POLN: variants seen among roughly 807,000 people sequenced by gnomAD.
POLN encodes the protein DNA polymerase N.
Under a neutral mutation model 113.5 loss-of-function variants are expected in POLN, and 108 were observed. That is an observed-to-expected ratio of 0.95 (90% CI 0.81 to 1.12). POLN has a LOEUF of 1.12. Ranked by LOEUF, POLN falls within the 50% of genes most tolerant of loss-of-function variation. The probability of loss-of-function intolerance (pLI) is 0.00; values close to 1 mark genes in which losing one functional copy is unlikely to be tolerated. For synonymous variants in POLN, 386 were observed against 391.5 expected (o/e 0.99, Z 0.17); for missense variants, 1,097 against 1,077.1 (o/e 1.02, Z -0.26).
At chr4:2,225,528 TG>T (rs1301717976) in intron 3 of POLN, among the ~76,000 whole-genome samples, 1 of 151,250 alleles carries the variant, frequency 6.6e-6, no homozygotes, top group Non-Finnish European at 1.5e-5. Flanking sequence ...TACTCCAGCT[TG>T]GGTGACAGAG....
intron 7 of POLN, among the ~76,000 whole-genome samples, chr4:2,191,014 C>T (rs1307134545): frequency 6.6e-6 from 1 of 152,126 alleles, no homozygotes; most frequent in African/African-American, 2.4e-5. Flanking sequence ...CAATCCCACT[C>T]CTGGGTATAT....
At chr4:2,107,652 G>C (rs1731097666) in intron 19 of POLN, among the ~76,000 whole-genome samples, 1 of 152,192 alleles carries the variant, frequency 6.6e-6, no homozygotes, top group South Asian at 2.1e-4. Flanking sequence ...AAGGCCTAAG[G>C]CCAGGGGGAC....
At chr4:2,116,024 C>A (rs1294438940) in intron 19 of POLN, among the ~76,000 whole-genome samples, 1 of 152,192 alleles carries the variant, frequency 6.6e-6, no homozygotes, top group Non-Finnish European at 1.5e-5. Flanking sequence ...GCTTTCTGCA[C>A]CTTGATTTTT....
At chr4:2,101,703 T>C (rs1271826051) in intron 19 of POLN, among the ~76,000 whole-genome samples, 2 of 152,246 alleles carry the variant, frequency 1.3e-5, no homozygotes, top group Non-Finnish European at 2.9e-5. Flanking sequence ...GCGTTAGGCC[T>C]AGGCATTAGG....
Position 2,162,741 on chromosome 4 carries a change from G to A in POLN, c.1555-3530C>T, listed in dbSNP as rs575827332. Among the ~76,000 whole-genome samples, 41 of 151,944 alleles carry A rather than the reference G, an allele frequency of 2.7e-4. 1 individual carries two copies. The highest frequency in any genetic ancestry group is 5.3e-4 in the Non-Finnish European group (36 of 67,990). ...CAAAGTGCTGGAATTACAGGCATGA[G>A]CCACCATGCCCGGCCCGATTTTATT... On this transcript the variant is annotated intron_variant, in intron 13 of 25. Transcript: ENST00000511885.
intron 19 of POLN, among the ~76,000 whole-genome samples, chr4:2,119,048 C>T (rs1370350716): frequency 6.6e-6 from 1 of 152,170 alleles, no homozygotes; most frequent in Non-Finnish European, 1.5e-5. Flanking sequence ...GGACAGGGAG[C>T]CACAGACAGC....
rs762939148 is a variant in POLN at position 2,095,850 on chromosome 4, C to T, written c.2065+1G>A. ...ACCCCAGCTCCCGGCCCGCAGCCTA[C>T]CTGCTCCATAGACCACCGCGTACAC... is the stretch of plus-strand genomic sequence containing the variant. On this transcript the variant is annotated splice_donor_variant, in intron 20 of 25. Coordinates refer to ENST00000511885, the MANE Select transcript of POLN (RefSeq NM_181808.4). LOFTEE classifies it high-confidence loss of function. 9.3e-6 allele frequency: 15 copies of T among 1,613,800 alleles called. No individual in the cohort carries two copies. The highest frequency in any genetic ancestry group is 7.6e-6 in the Non-Finnish European group (9 of 1,179,988).
intron 11 of POLN, among the ~76,000 whole-genome samples, chr4:2,171,950 G>A (rs2108747547): frequency 6.6e-6 from 1 of 152,206 alleles, no homozygotes; most frequent in East Asian, 1.9e-4. Context: ...ACATCACATA[G>A]AACAAGACAG....
At chr4:2,139,172 C>T (rs1288268493) in intron 16 of POLN, among the ~76,000 whole-genome samples, 1 of 152,122 alleles carries the variant, frequency 6.6e-6, no homozygotes, top group Non-Finnish European at 1.5e-5. Flanking sequence ...CACACTGGGT[C>T]ACCAGCAGGG....
At chr4:2,095,010 C>G (rs531721108) in intron 20 of POLN, among the ~76,000 whole-genome samples, 151 of 152,184 alleles carry the variant, frequency 9.9e-4, no homozygotes, top group African/African-American at 3.5e-3. Flanking sequence ...GAGGTCTGAA[C>G]AGGCTTAAGA....
At chr4:2,219,464 G>A (rs1176135105) in intron 3 of POLN, among the ~76,000 whole-genome samples, 2 of 152,064 alleles carry the variant, frequency 1.3e-5, no homozygotes, top group East Asian at 1.9e-4. Context: ...GTCACTTTAC[G>A]AGAACTGTAT....
rs541580285 is a variant in POLN at position 2,158,279 on chromosome 4, TAGTGTTTCAC to T, written c.1612-378_1612-369del. Among the ~76,000 whole-genome samples the T allele has an allele frequency of 2.2e-3, 331 of 152,210 alleles. 1 individual carries two copies. Among genetic ancestry groups the T allele is most frequent in the African/African-American group, 7.6e-3 (315 of 41,528 alleles). On this transcript the variant is annotated intron_variant, in intron 14 of 25. Transcript: ENST00000511885. Reference sequence around the variant, plus strand: ...AGTCTTTAAACAGGAATAGTGTGAATAGTGTTTCACAGAGTGCCGGGCACGTGCTGCTACT... The same window carrying T: ...AGTCTTTAAACAGGAATAGTGTGAATAGAGTGCCGGGCACGTGCTGCTACT...
At chr4:2,176,511 C>A (rs6599415) in intron 8 of POLN, among the ~76,000 whole-genome samples, 177 bp from the exon 9 acceptor site, 8 of 152,050 alleles carry the variant, frequency 5.3e-5, no homozygotes, top group African/African-American at 1.9e-4. Flanking sequence ...AAGTTCGCAT[C>A]TGTAGAAAGT....
chr4:2,232,299 T>A lies in POLN; in HGVS notation c.-12-3056A>T, dbSNP rs1010078451. ...TTTTAGCAATAAATAAACCTCGATTTAAAATCCATAACAGGTTTAATATAA... is the reference window on the plus strand; with the variant it reads ...TTTTAGCAATAAATAAACCTCGATTAAAAATCCATAACAGGTTTAATATAA... On this transcript the variant is annotated intron_variant, in intron 2 of 25. Coordinates refer to ENST00000511885, the MANE Select transcript of POLN (RefSeq NM_181808.4). The A allele has an allele frequency of 1.2e-5, 6 of 484,468 alleles. No individual in the cohort carries two copies. The Admixed American group carries it at 2.4e-4, about 20-fold the overall frequency. 30.0% of individuals were successfully genotyped at this position (484,468 alleles called of 1,614,324 possible). A position where few individuals can be genotyped will look rare whatever the true frequency, so the allele number is the denominator to read the frequency against.
At chr4:2,137,626 G>A (rs1447650595) in intron 16 of POLN, among the ~76,000 whole-genome samples, 1 of 152,000 alleles carries the variant, frequency 6.6e-6, no homozygotes, top group Non-Finnish European at 1.5e-5. Flanking sequence ...ACACTCCCGT[G>A]GCCCCCCTCA....
At chr4:2,215,203 C>T (rs1479846245) in intron 3 of POLN, among the ~76,000 whole-genome samples, 1 of 152,068 alleles carries the variant, frequency 6.6e-6, no homozygotes, top group Non-Finnish European at 1.5e-5. Flanking sequence ...AATACATAGC[C>T]ACTAAAAAGA....
At chr4:2,094,053 G>C (rs971817798) in intron 20 of POLN, among the ~76,000 whole-genome samples, 4 of 152,246 alleles carry the variant, frequency 2.6e-5, no homozygotes, top group African/African-American at 9.6e-5. Flanking sequence ...CAGCCAGCAA[G>C]AAACAGAAGC....
chr4:2,155,498 T>G (rs998013081), intron 16 of POLN, among the ~76,000 whole-genome samples: 2 of 152,174 alleles, frequency 1.3e-5, no homozygotes, highest in African/African-American at 4.8e-5. Flanking sequence ...TGTGTCCCTC[T>G]GCCTGCATGC....
Position 2,208,238 on chromosome 4 carries a change from T to C in POLN, c.463A>G (p.Lys155Glu). 1 of 1,590,348 alleles carries C rather than the reference T, an allele frequency of 6.3e-7. No homozygotes were observed. The highest frequency in any genetic ancestry group is 1.3e-5 in the African/African-American group (1 of 74,240). Residue 155 changes from lysine to glutamate, a missense_variant, in exon 5 of 26, where the codon AAA (lysine) becomes GAA (glutamate). Physicochemically the swap from Lys to Glu is moderately conservative, Grantham distance 56. Transcript: ENST00000511885. ...NNENKGSINL[K>E]RKHITYNNLS... ...TTATTATATGTAATATGTTTTCTTTTAAGATTAATGCTTCCTTTATTTTCA... is the reference window on the plus strand; with the variant it reads ...TTATTATATGTAATATGTTTTCTTTCAAGATTAATGCTTCCTTTATTTTCA...
Sources: gnomAD v4.1 joint callset for allele counts (sites outside exome capture counted in the v4.1 genomes callset) on GRCh38, gnomAD v4.1.1 for gene constraint, MANE v1.5 for transcripts, NCBI Gene and HGNC (gene_info 2026-07-23, HGNC 2026-07-21) for gene names.